ASIC2: variants seen among roughly 807,000 people sequenced by gnomAD.
ASIC2 encodes acid-sensing ion channel 2.
In ASIC2, 25 loss-of-function variants were observed where a neutral mutation model predicts 57.3. The observed-to-expected ratio is 0.44, with a 90% CI of 0.32 to 0.61. ASIC2 has a LOEUF of 0.61. Ranked by LOEUF, ASIC2 falls within the 20% of genes least tolerant of loss-of-function variation. The pLI, the probability that ASIC2 is intolerant of heterozygous loss-of-function variation, is 0.06. For missense variants in ASIC2, 641 were observed against 738.1 expected (o/e 0.87, Z 1.52); for synonymous variants, 319 against 307.5 (o/e 1.04, Z -0.39).
chr17:34,105,834 A>G (rs980784279), intron 1 of ASIC2, among the ~76,000 whole-genome samples: 1 of 152,102 alleles, frequency 6.6e-6, no homozygotes, highest in African/African-American at 2.4e-5. Context: ...TTATCACTAA[A>G]TAATTCAATG....
intron 1 of ASIC2, among the ~76,000 whole-genome samples, chr17:33,538,552 G>A (rs769468838): frequency 2.0e-5 from 3 of 152,182 alleles, no homozygotes; most frequent in South Asian, 2.1e-4. Context: ...TGGCAAAGCC[G>A]GGATAGAAAC....
chr17:33,464,544 T>TTCTTTC (rs1912783597), intron 1 of ASIC2, among the ~76,000 whole-genome samples: 1 of 108,166 alleles, frequency 9.2e-6, no homozygotes, highest in African/African-American at 3.6e-5. Flanking sequence ...TTCTTTCTCT[T>TTCTTTC]TCTTTCTTTC....
At chr17:33,921,079 T>C (rs182435830) in intron 1 of ASIC2, among the ~76,000 whole-genome samples, 10 of 152,352 alleles carry the variant, frequency 6.6e-5, no homozygotes, top group African/African-American at 1.7e-4. Context: ...TGTGCACTTA[T>C]TATTTTTTGT....
chr17:33,812,243 C>A (rs1912443437), intron 1 of ASIC2, among the ~76,000 whole-genome samples: 1 of 152,118 alleles, frequency 6.6e-6, no homozygotes, highest in African/African-American at 2.4e-5. Flanking sequence ...GCTATGTCAG[C>A]AATGCCATTT....
intron 1 of ASIC2, among the ~76,000 whole-genome samples, chr17:33,203,738 C>T (rs909793940): frequency 4.6e-5 from 7 of 152,170 alleles, no homozygotes; most frequent in African/African-American, 7.2e-5. Context: ...TCCTCAGGTC[C>T]CTGCTCATAT....
At chr17:33,315,545 G>A (rs1906610425) in intron 1 of ASIC2, among the ~76,000 whole-genome samples, 1 of 152,154 alleles carries the variant, frequency 6.6e-6, no homozygotes, top group South Asian at 2.1e-4. Context: ...AACTGAGTTC[G>A]GAGCTTCCTG....
chr17:33,856,686 G>A (rs1221548159), intron 1 of ASIC2, among the ~76,000 whole-genome samples: 6 of 151,822 alleles, frequency 4.0e-5, no homozygotes, highest in African/African-American at 1.5e-4. Flanking sequence ...TTGTGCCAGA[G>A]GAATGGTGAG....
At chr17:33,295,549 A>T (rs1220887409), upstream of ASIC2, among the ~76,000 whole-genome samples, 3 of 152,126 alleles carry the variant, frequency 2.0e-5, no homozygotes, top group Non-Finnish European at 4.4e-5. Context: ...TTTTCCTATG[A>T]TCCCAGCATA....
chr17:33,523,339 C>T (rs1567638825), intron 1 of ASIC2, among the ~76,000 whole-genome samples: 2 of 152,174 alleles, frequency 1.3e-5, no homozygotes, highest in Non-Finnish European at 2.9e-5. Context: ...TCACTGCAAC[C>T]TCCTACTCCC....
At chr17:33,061,487 C>G (rs1296126759) in intron 3 of ASIC2, among the ~76,000 whole-genome samples, 1 of 152,178 alleles carries the variant, frequency 6.6e-6, no homozygotes, top group African/African-American at 2.4e-5. Context: ...TATGTTGAAC[C>G]AGCCTTGCAT....
intron 3 of ASIC2, among the ~76,000 whole-genome samples, chr17:33,033,034 C>G (rs2091891389): frequency 6.6e-6 from 1 of 152,160 alleles, no homozygotes; most frequent in Non-Finnish European, 1.5e-5. Flanking sequence ...CTTTGGGAGG[C>G]AAGGCCGAAG....
intron 1 of ASIC2, among the ~76,000 whole-genome samples, chr17:33,995,124 C>A (rs1244979343): frequency 6.6e-6 from 1 of 152,154 alleles, no homozygotes; most frequent in Non-Finnish European, 1.5e-5. Flanking sequence ...CAACACCAGG[C>A]TGTGTCATCC....
intron 1 of ASIC2, among the ~76,000 whole-genome samples, chr17:33,490,884 G>A (rs1913734364): frequency 6.6e-6 from 1 of 152,184 alleles, no homozygotes; most frequent in Non-Finnish European, 1.5e-5. Context: ...TTCTGTCCCT[G>A]TTGTGTTTGT....
intron 1 of ASIC2, among the ~76,000 whole-genome samples, chr17:34,137,706 T>C (rs896899121): frequency 6.6e-6 from 1 of 152,134 alleles, no homozygotes; most frequent in Non-Finnish European, 1.5e-5. Context: ...TTCCAGAGGC[T>C]GGGAAGTCCA....
chr17:33,779,834 T>C lies in ASIC2; in HGVS notation c.555+376144A>G, dbSNP rs147888512. Among the ~76,000 whole-genome samples the C allele has an allele frequency of 2.5e-4, 38 of 152,234 alleles. No homozygotes were observed. The East Asian group carries it at 6.0e-3, about 24-fold the overall frequency. ...CTCATTTAATCTTCGCACAACCCTA[T>C]GTGGCAGGGACTCTTGCTATCATAG... On this transcript the variant is annotated intron_variant, in intron 1 of 9. Coordinates refer to the ASIC2 transcript ENST00000359872.
At chr17:33,770,390 A>G (rs1353341006) in intron 1 of ASIC2, among the ~76,000 whole-genome samples, 1 of 152,212 alleles carries the variant, frequency 6.6e-6, no homozygotes, top group Non-Finnish European at 1.5e-5. Context: ...ATGCATTTGT[A>G]CAGCACCTAG....
At chr17:33,612,245 A>G (rs1905434757) in intron 1 of ASIC2, among the ~76,000 whole-genome samples, 1 of 152,204 alleles carries the variant, frequency 6.6e-6, no homozygotes, top group Non-Finnish European at 1.5e-5. Context: ...ATAATGTTTG[A>G]CCAAATATCT....
At chr17:33,098,625 G>T (rs772058596) in intron 2 of ASIC2, among the ~76,000 whole-genome samples, 2 of 152,178 alleles carry the variant, frequency 1.3e-5, no homozygotes, top group Admixed American at 1.3e-4. Flanking sequence ...TTTGGCGAAG[G>T]CTGCAAACTT....
At chr17:34,105,653 A>T (rs1353181113) in intron 1 of ASIC2, among the ~76,000 whole-genome samples, 1 of 152,016 alleles carries the variant, frequency 6.6e-6, no homozygotes, top group Non-Finnish European at 1.5e-5. Flanking sequence ...ATTACAAAAA[A>T]TAATGACAGT....
Sources: gnomAD v4.1 joint callset for allele counts (sites outside exome capture counted in the v4.1 genomes callset) on GRCh38, gnomAD v4.1.1 for gene constraint, MANE v1.5 for transcripts, NCBI Gene and HGNC (gene_info 2026-07-23, HGNC 2026-07-21) for gene names.